PKNOX2: variants seen among roughly 807,000 people sequenced by gnomAD.
The protein encoded by PKNOX2 is PBX/knotted 1 homeobox 2.
In PKNOX2, 14 loss-of-function variants were observed where a neutral mutation model predicts 53.1. The observed-to-expected ratio is 0.26, with a 90% confidence interval of 0.17 to 0.41. The LOEUF is 0.41. Ranked by LOEUF, PKNOX2 falls within the 10% of genes least tolerant of loss-of-function variation. The pLI is 1.00. For synonymous variants in PKNOX2, 257 were observed against 242.8 expected, an observed-to-expected ratio of 1.06 and a Z score of -0.54; for missense variants, 496 against 602.8, an observed-to-expected ratio of 0.82 and a Z score of 1.85.
At chr11:125,250,598 A>G (rs116132816) in intron 2 of PKNOX2, among the ~76,000 whole-genome samples, 131 of 152,294 alleles carry the variant, frequency 8.6e-4, no homozygotes, top group African/African-American at 3.0e-3. Flanking sequence ...CCTGGGGAAA[A>G]CAGAGAGAGG....
At position 125,410,987 on chromosome 11, in the gene PKNOX2, C is replaced by T. The variant is rs1019629189; in HGVS notation, c.816+111C>T. On this transcript the variant is annotated intron_variant, in intron 9 of 12. Coordinates refer to ENST00000298282, the MANE Select transcript of PKNOX2 (RefSeq NM_001382323.2). ...GGTGACTCATTGAATCCTCATCATC[C>T]TCTAAGAGGTATCATTACCCCTACT... The T allele has an allele frequency of 4.7e-6, 4 of 852,944 alleles. No individual in the cohort carries two copies. In the African/African-American group the frequency reaches 5.0e-5, roughly 11 times the overall value. The allele number at this position is 852,944 out of a possible 1,614,324, so 52.8% of individuals were successfully genotyped here. A position where few individuals can be genotyped will look rare whatever the true frequency, so the allele number is the denominator to read the frequency against.
chr11:125,315,303 GAAAAAAAA>G (rs534448203), intron 2 of PKNOX2, among the ~76,000 whole-genome samples: 1,572 of 79,450 alleles, frequency 0.02, 46 homozygotes, highest in African/African-American at 0.058. Flanking sequence ...TGTGAAGCAG[GAAAAAAAA>G]AAAAAAAAAA....
At chr11:125,316,698 TA>T (rs1227813878) in intron 2 of PKNOX2, among the ~76,000 whole-genome samples, 3 of 152,238 alleles carry the variant, frequency 2.0e-5, no homozygotes, top group African/African-American at 7.2e-5. Flanking sequence ...CTTTATTGCT[TA>T]AAAAATGCTT....
At chr11:125,385,840 A>G (rs145797121) in intron 6 of PKNOX2, 118 bp downstream of exon 6, 22 of 1,239,100 alleles carry the variant, frequency 1.8e-5, no homozygotes, top group East Asian at 1.1e-4. Context: ...AGTGCCCACC[A>G]TGAGTCATGC....
chr11:125,169,884 T>C (rs932084927), intron 1 of PKNOX2, among the ~76,000 whole-genome samples: 3 of 152,222 alleles, frequency 2.0e-5, no homozygotes, highest in Non-Finnish European at 4.4e-5. Flanking sequence ...CCAAAAACCA[T>C]CTACACTTTA....
chr11:125,248,491 C>A (rs1338228305), intron 2 of PKNOX2, among the ~76,000 whole-genome samples: 1 of 151,880 alleles, frequency 6.6e-6, no homozygotes, highest in Non-Finnish European at 1.5e-5. Context: ...TTTAAAAAAT[C>A]TTATTTTACT....
At position 125,412,313 on chromosome 11, in the gene PKNOX2, G is replaced by C. The variant is rs192220439; in HGVS notation, c.936+448G>C. Among the ~76,000 whole-genome samples, 13 of 152,320 alleles carry C rather than the reference G, an allele frequency of 8.5e-5. No homozygotes were observed. In the East Asian group the frequency reaches 2.5e-3, roughly 29 times the overall value. On this transcript the variant is annotated intron_variant, in intron 10 of 12. Coordinates refer to ENST00000298282, the MANE Select transcript of PKNOX2 (RefSeq NM_001382323.2). ...CTCCTGAGTCCTCCCCACTGGGTGA[G>C]CCAAGCGCTGTGTGGTGGAGATGGG...
At chr11:125,248,966 A>G (rs1451589702) in intron 2 of PKNOX2, among the ~76,000 whole-genome samples, 4 of 134,224 alleles carry the variant, frequency 3.0e-5, no homozygotes, top group South Asian at 2.4e-4. Context: ...ATATACATAC[A>G]TATATACATA....
At position 125,385,879 on chromosome 11, in the gene PKNOX2, A is replaced by G. The variant is rs369710467; in HGVS notation, c.399+157A>G. Reference sequence around the variant, plus strand: ...AGATGCACCAGTCTTGCAGCCAACAACCATTTCTAAGTGCCTTAAACCAAG... The same window carrying G: ...AGATGCACCAGTCTTGCAGCCAACAGCCATTTCTAAGTGCCTTAAACCAAG... On this transcript the variant is annotated intron_variant, in intron 6 of 12. Coordinates refer to ENST00000298282, the MANE Select transcript of PKNOX2 (RefSeq NM_001382323.2). 2.0e-3 allele frequency among the ~76,000 whole-genome samples: 305 copies of G among 152,286 alleles called. 2 individuals are homozygous for G. Among genetic ancestry groups the G allele is most frequent in the African/African-American group, 7.0e-3 (289 of 41,572 alleles).
At chr11:125,331,405 C>G (rs1950136610) in intron 2 of PKNOX2, among the ~76,000 whole-genome samples, 2 of 143,460 alleles carry the variant, frequency 1.4e-5, no homozygotes, top group Non-Finnish European at 3.1e-5. Flanking sequence ...TGCAACTTAT[C>G]CACACTCCTG....
At chr11:125,178,256 A>G (rs888575074) in intron 1 of PKNOX2, among the ~76,000 whole-genome samples, 3 of 151,518 alleles carry the variant, frequency 2.0e-5, no homozygotes, top group African/African-American at 7.3e-5. Flanking sequence ...TTATGCCTCT[A>G]ATCCCAGCAC....
At chr11:125,296,305 TAC>T (rs1947651915) in intron 2 of PKNOX2, among the ~76,000 whole-genome samples, 1 of 152,162 alleles carries the variant, frequency 6.6e-6, no homozygotes, top group Admixed American at 6.5e-5. Context: ...ACTCAAAGTC[TAC>T]TCCATAGTCT....
chr11:125,165,748 G>A lies in PKNOX2; in HGVS notation c.-201+972G>A, dbSNP rs1207552683. On this transcript the variant is annotated intron_variant, in intron 1 of 12. Transcript: ENST00000298282. The surrounding 1 kb of genome is among the most constrained non-coding windows in gnomAD (Gnocchi z 4.5). The stretch of plus-strand genomic sequence containing the variant: ...GGGCGTAGGGGCCCGCGCGAGGCTT[G>A]GGAATCGGGAGCCCTTCTGGCTCGA... Among the ~76,000 whole-genome samples the A allele has an allele frequency of 6.6e-6, 1 of 152,216 alleles. No homozygotes were observed. Among genetic ancestry groups the A allele is most frequent in the Admixed American group, 6.5e-5 (1 of 15,286 alleles).
At chr11:125,314,646 A>C (rs1949044858) in intron 2 of PKNOX2, among the ~76,000 whole-genome samples, 1 of 152,072 alleles carries the variant, frequency 6.6e-6, no homozygotes. Context: ...CAGAGGAGGC[A>C]GTGCAGCCCC....
At chr11:125,381,159 G>C (rs1211155311) in intron 5 of PKNOX2, among the ~76,000 whole-genome samples, 1 of 152,192 alleles carries the variant, frequency 6.6e-6, no homozygotes, top group East Asian at 1.9e-4. Context: ...TGGAGCATGG[G>C]AGCCACAGGC....
chr11:125,385,712 T>A lies in PKNOX2; in HGVS notation c.389T>A (p.Leu130Gln). ...HKPFFSDDPE[L>Q]DNLMVKAIQV... ...CCCTTCTTCAGCGATGACCCAGAAC[T>A]GGACAATCTGGTAAAGACCCTCCAC... Residue 130 changes from leucine to glutamine, a missense_variant, in exon 6 of 13, where the codon CTG (leucine) becomes CAG (glutamine). This residue lies in a region of PKNOX2 where 168 missense variants were observed against 178.4 expected (regional missense o/e 0.94). Coordinates refer to ENST00000298282, the MANE Select transcript of PKNOX2 (RefSeq NM_001382323.2). 1 of 1,613,502 alleles carries A rather than the reference T, an allele frequency of 6.2e-7. No homozygotes were observed. The highest frequency in any genetic ancestry group is 8.5e-7 in the Non-Finnish European group (1 of 1,179,770).
At chr11:125,379,224 C>G (rs1196051698) in intron 5 of PKNOX2, among the ~76,000 whole-genome samples, 1 of 151,838 alleles carries the variant, frequency 6.6e-6, no homozygotes, top group East Asian at 1.9e-4. Context: ...CCATGTCTGG[C>G]TAATTTTTTG....
At position 125,216,528 on chromosome 11, in the gene PKNOX2, G is replaced by A. The variant is rs369548188; in HGVS notation, c.-200-18517G>A. Among the ~76,000 whole-genome samples, 11 of 152,240 alleles carry A rather than the reference G, an allele frequency of 7.2e-5. No individual in the cohort carries two copies. In the South Asian group the frequency reaches 8.3e-4, roughly 11 times the overall value. Reference sequence around the variant, plus strand: ...AACCCAGCCTGCCCCTTCTCCCCTCGTTCCCTTCCCACCCCTTTCCCTCTT... The same window carrying A: ...AACCCAGCCTGCCCCTTCTCCCCTCATTCCCTTCCCACCCCTTTCCCTCTT... On this transcript the variant is annotated intron_variant, in intron 1 of 12. Coordinates refer to ENST00000298282, the MANE Select transcript of PKNOX2 (RefSeq NM_001382323.2).
At chr11:125,385,253 A>G (rs1021224166) in intron 5 of PKNOX2, among the ~76,000 whole-genome samples, 4 of 152,206 alleles carry the variant, frequency 2.6e-5, no homozygotes, top group African/African-American at 7.2e-5. Context: ...TGGAAGGTTT[A>G]TAATCCATCA....
Sources: gnomAD v4.1 joint callset for allele counts (sites outside exome capture counted in the v4.1 genomes callset) on GRCh38, gnomAD v4.1.1 for gene constraint, gnomAD v4.1.1 regional missense constraint, Gnocchi (gnomAD v3.1) non-coding constraint, MANE v1.5 for transcripts, NCBI Gene and HGNC (gene_info 2026-07-23, HGNC 2026-07-21) for gene names.